Variants in RGS10 observed in about 807,000 individuals in gnomAD.
RGS10 encodes the protein regulator of G-protein signalling 10.
A neutral mutation model predicts 23.5 loss-of-function variants in RGS10; 11 were observed. The ratio of observed to expected loss-of-function variants is 0.47; its 90% confidence interval spans 0.29 to 0.77. RGS10 has a LOEUF of 0.77. RGS10 is among the 30% of genes least tolerant of loss of function. RGS10 has a pLI of 0.08. For missense variants in RGS10, 180 were observed against 226.3 expected, an observed-to-expected ratio of 0.80 and a Z score of 1.31; for synonymous variants, 77 against 83.2, an observed-to-expected ratio of 0.92 and a Z score of 0.41.
intron 4 of RGS10, among the ~76,000 whole-genome samples, chr10:119,504,808 G>A (rs1843991425): frequency 6.6e-6 from 1 of 152,134 alleles, no homozygotes; most frequent in Non-Finnish European, 1.5e-5. Context: ...CAGTCTGTAA[G>A]CTGAAGGGGC....
At chr10:119,502,472 C>A (rs1471786809) in intron 4 of RGS10, among the ~76,000 whole-genome samples, 1 of 152,206 alleles carries the variant, frequency 6.6e-6, no homozygotes, top group Non-Finnish European at 1.5e-5. Flanking sequence ...GCGGTGCGAC[C>A]CAAGCGTCTC....
chr10:119,520,781 C>G (rs1389057760), intron 3 of RGS10, among the ~76,000 whole-genome samples: 1 of 139,794 alleles, frequency 7.2e-6, no homozygotes, highest in South Asian at 2.2e-4. Flanking sequence ...ATAGGAGGAT[C>G]TGAAGATGTA....
chr10:119,515,593 C>G lies in RGS10; in HGVS notation c.315G>C (p.Gln105His). The G allele has an allele frequency of 6.2e-7, 1 of 1,614,194 alleles. No homozygotes were observed. The highest frequency in any genetic ancestry group is 8.5e-7 in the Non-Finnish European group (1 of 1,180,038). Residue 105 changes from glutamine to histidine, a missense_variant, in exon 4 of 5, where the codon CAG becomes CAC. Coordinates refer to ENST00000369103, the MANE Select transcript of RGS10 (RefSeq NM_001005339.2). ...GCCGAGACTGCCCCTCCACGTTGAC[C>G]TGTGATGAGGCCTTGCTGGACAGAA... ...MTFLSSKASS[Q>H]VNVEGQSRLN...
rs927157236 is a variant in RGS10 at position 119,524,691 on chromosome 10, A to G, written c.255+1341T>C. The stretch of plus-strand genomic sequence containing the variant: ...TTTCCCCTGGGGCCCCTCTCTGCCC[A>G]GGAGGCTCCGGCCAACGTCATCCAG... On this transcript the variant is annotated intron_variant, in intron 3 of 4. Transcript: ENST00000369103. The surrounding 1 kb of genome is among the most constrained non-coding windows in gnomAD (Gnocchi z 5.2). Among the ~76,000 whole-genome samples the G allele has an allele frequency of 1.3e-5, 2 of 152,136 alleles. No individual in the cohort carries two copies. The highest frequency in any genetic ancestry group is 6.6e-5 in the Admixed American group (1 of 15,266).
chr10:119,533,622 T>G (rs1844355002), intron 1 of RGS10, among the ~76,000 whole-genome samples: 1 of 152,192 alleles, frequency 6.6e-6, no homozygotes, highest in Non-Finnish European at 1.5e-5. Context: ...AAGTTTCCAT[T>G]TCAGACAGAT....
chr10:119,505,762 G>A (rs1023715364), intron 4 of RGS10, among the ~76,000 whole-genome samples: 6 of 152,080 alleles, frequency 3.9e-5, no homozygotes, highest in East Asian at 1.9e-4. Flanking sequence ...TGAATATTGC[G>A]TCACTGTCTC....
At chr10:119,529,223 C>T (rs1353231321) in intron 1 of RGS10, among the ~76,000 whole-genome samples, 3 of 152,040 alleles carry the variant, frequency 2.0e-5, no homozygotes, top group Admixed American at 6.6e-5. Flanking sequence ...GGGGCTGAGG[C>T]GGGTGGATCA....
At chr10:119,509,952 G>C (rs1257115020) in intron 4 of RGS10, among the ~76,000 whole-genome samples, 1 of 151,806 alleles carries the variant, frequency 6.6e-6, no homozygotes, top group Non-Finnish European at 1.5e-5. Flanking sequence ...CAGGGGGAGA[G>C]GGGGAAGGGG....
chr10:119,516,848 A>G (rs1844150563), intron 3 of RGS10, among the ~76,000 whole-genome samples: 1 of 152,188 alleles, frequency 6.6e-6, no homozygotes, highest in Admixed American at 6.5e-5. Flanking sequence ...TGAGGGCTCG[A>G]TTTTCTTTTA....
rs950344455 is a variant in RGS10 at position 119,538,019 on chromosome 10, T to C, written c.49+4571A>G. On this transcript the variant is annotated intron_variant, in intron 1 of 4. Transcript: ENST00000369103. The surrounding 1 kb of genome is among the most constrained non-coding windows in gnomAD (Gnocchi z 4.5). Reference sequence around the variant, plus strand: ...AGCTCTTTACCTGAGATTATATCTTTCCTACTATTGGGGGTGTTAAAATGT... The same window carrying C: ...AGCTCTTTACCTGAGATTATATCTTCCCTACTATTGGGGGTGTTAAAATGT... Among the ~76,000 whole-genome samples the C allele has an allele frequency of 1.3e-5, 2 of 152,172 alleles. No homozygotes were observed. Among genetic ancestry groups the C allele is most frequent in the Non-Finnish European group, 2.9e-5 (2 of 68,038 alleles).
At chr10:119,500,690 G>C (rs1051275448) in intron 4 of RGS10, among the ~76,000 whole-genome samples, 1 of 150,732 alleles carries the variant, frequency 6.6e-6, no homozygotes, top group African/African-American at 2.4e-5. Flanking sequence ...TATGATGCCA[G>C]CATTGTTAAG....
At chr10:119,515,297 A>C in intron 4 of RGS10, 1 of 585,012 alleles carries the variant, frequency 1.7e-6, no homozygotes, top group Non-Finnish European at 3.0e-6. Context: ...ACCAAGATTA[A>C]ACAGGCCTGG....
intron 4 of RGS10, among the ~76,000 whole-genome samples, chr10:119,505,703 C>T: frequency 6.6e-6 from 1 of 152,340 alleles, no homozygotes; most frequent in Middle Eastern, 3.4e-3. Flanking sequence ...CTGACGCATA[C>T]TCATCTGTGC....
At chr10:119,501,165 A>G (rs1165201973) in intron 4 of RGS10, among the ~76,000 whole-genome samples, 1 of 152,224 alleles carries the variant, frequency 6.6e-6, no homozygotes, top group Non-Finnish European at 1.5e-5. Flanking sequence ...AGAGAAGCAC[A>G]AAGCCTTTTC....
chr10:119,529,657 C>T (rs1264296984), intron 1 of RGS10, among the ~76,000 whole-genome samples: 1 of 152,190 alleles, frequency 6.6e-6, no homozygotes, highest in Non-Finnish European at 1.5e-5. Flanking sequence ...CTCCTTTCTT[C>T]CCATCTCTAA....
chr10:119,521,263 G>T (rs139495493), intron 3 of RGS10, among the ~76,000 whole-genome samples: 1 of 152,132 alleles, frequency 6.6e-6, no homozygotes, highest in African/African-American at 2.4e-5. Flanking sequence ...GTGAGACCCT[G>T]TCTCAAAAAG....
Position 119,515,548 on chromosome 10 carries a change from T to C in RGS10, c.360A>G (p.Glu120=), listed in dbSNP as rs751151832. ...GQSRLNEKIL[E]EPHPLMFQKL... is the part of the protein sequence containing the mutation. Reference sequence around the variant, plus strand: ...TCTGGAACATCAGAGGGTGCGGTTCTTCCAGGATCTTCTCGTTGAGCCGAG... The same window carrying C: ...TCTGGAACATCAGAGGGTGCGGTTCCTCCAGGATCTTCTCGTTGAGCCGAG... The change falls in exon 4 of 5, where the codon GAA becomes GAG. Residue 120 remains glutamate (E), a synonymous_variant. Transcript: ENST00000369103. 5.0e-6 allele frequency: 8 copies of C among 1,614,230 alleles called. No individual in the cohort carries two copies. In the Admixed American group the frequency reaches 1.3e-4, roughly 27 times the overall value.
At chr10:119,542,399 G>A (rs2133963879) in intron 1 of RGS10, among the ~76,000 whole-genome samples, 191 bp downstream of exon 1, 1 of 152,326 alleles carries the variant, frequency 6.6e-6, no homozygotes, top group Non-Finnish European at 1.5e-5. Flanking sequence ...GCTCCCGGAG[G>A]AGCTCTGCGC....
chr10:119,528,755 A>G (rs1438020727), intron 1 of RGS10, among the ~76,000 whole-genome samples: 2 of 151,896 alleles, frequency 1.3e-5, no homozygotes, highest in African/African-American at 4.8e-5. Context: ...AAACGCTTGA[A>G]CCCAGGAAGC....
Sources: gnomAD v4.1 joint callset for allele counts (sites outside exome capture counted in the v4.1 genomes callset) on GRCh38, gnomAD v4.1.1 for gene constraint, Gnocchi (gnomAD v3.1) non-coding constraint, MANE v1.5 for transcripts, NCBI Gene and HGNC (gene_info 2026-07-23, HGNC 2026-07-21) for gene names.